AGBL4: variants seen among roughly 807,000 people sequenced by gnomAD.
AGBL4 encodes the protein AGBL carboxypeptidase 4, also known as cytosolic carboxypeptidase 6.
A neutral mutation model predicts 66.4 loss-of-function variants in AGBL4; 58 were observed. The ratio of observed to expected loss-of-function variants is 0.87; its 90% CI spans 0.71 to 1.09. The LOEUF (loss-of-function observed/expected upper bound fraction) is 1.09, where lower values mean the gene tolerates loss of function less well. AGBL4 is among the 50% of genes least tolerant of loss of function. AGBL4 has a pLI of 0.00. For synonymous variants in AGBL4, 234 were observed against 222.9 expected (o/e 1.05, Z -0.44); for missense variants, 579 against 631.0 (o/e 0.92, Z 0.88).
chr1:48,764,493 GA>G (rs1644434441), intron 6 of AGBL4, among the ~76,000 whole-genome samples: 1 of 152,156 alleles, frequency 6.6e-6, no homozygotes, highest in Non-Finnish European at 1.5e-5. Context: ...GGAAGGGGGG[GA>G]AATATTTGGA....
At chr1:49,334,821 T>C (rs547365830) in intron 3 of AGBL4, among the ~76,000 whole-genome samples, 1 of 152,002 alleles carries the variant, frequency 6.6e-6, no homozygotes, top group Admixed American at 6.6e-5. Flanking sequence ...CAAAGAGGGG[T>C]CCAGGGGAAG....
intron 4 of AGBL4, among the ~76,000 whole-genome samples, chr1:49,071,666 A>G (rs1163743303): frequency 6.6e-6 from 1 of 151,924 alleles, no homozygotes; most frequent in Non-Finnish European, 1.5e-5. Flanking sequence ...GCTTCCAATC[A>G]TGTGGTCAAT....
intron 3 of AGBL4, among the ~76,000 whole-genome samples, chr1:49,279,071 G>A (rs1276150981): frequency 6.6e-6 from 1 of 152,158 alleles, no homozygotes; most frequent in Admixed American, 6.6e-5. Context: ...AGAATATATT[G>A]TGGATTGCAA....
chr1:49,905,028 T>G (rs1034536852), intron 1 of AGBL4, among the ~76,000 whole-genome samples: 6 of 152,188 alleles, frequency 3.9e-5, no homozygotes, highest in African/African-American at 1.4e-4. Context: ...CAAAGCAAAT[T>G]TATCAGAATT....
At chr1:49,276,326 T>G (rs1644167499) in intron 3 of AGBL4, among the ~76,000 whole-genome samples, 1 of 152,134 alleles carries the variant, frequency 6.6e-6, no homozygotes, top group Non-Finnish European at 1.5e-5. Context: ...TACCTAACAA[T>G]CTCTAAACCA....
chr1:49,713,204 C>T (rs1436863246), intron 2 of AGBL4, among the ~76,000 whole-genome samples: 1 of 151,970 alleles, frequency 6.6e-6, no homozygotes, highest in Admixed American at 6.6e-5. Flanking sequence ...TTATTCATTC[C>T]TAACATGTTT....
intron 2 of AGBL4, among the ~76,000 whole-genome samples, chr1:49,720,634 C>A (rs1648526723): frequency 1.3e-5 from 2 of 152,144 alleles, no homozygotes; most frequent in South Asian, 4.1e-4. Flanking sequence ...GACACTCCAT[C>A]TCAGTGTTTC....
At chr1:50,019,830 T>A (rs961976765) in intron 1 of AGBL4, among the ~76,000 whole-genome samples, 6 of 152,140 alleles carry the variant, frequency 3.9e-5, no homozygotes, top group Non-Finnish European at 8.8e-5. Context: ...ATGAGACTAA[T>A]ACTCCTACAT....
intron 4 of AGBL4, among the ~76,000 whole-genome samples, chr1:49,122,564 A>C (rs1244962297): frequency 1.3e-5 from 2 of 152,164 alleles, no homozygotes; most frequent in Non-Finnish European, 2.9e-5. Flanking sequence ...ATACTAATCA[A>C]TTTATCAAAT....
At chr1:49,252,763 T>C (rs1329286593) in intron 3 of AGBL4, among the ~76,000 whole-genome samples, 2 of 152,100 alleles carry the variant, frequency 1.3e-5, no homozygotes, top group Admixed American at 6.5e-5. Flanking sequence ...TTCAACATTA[T>C]TAAATAAAAG....
chr1:48,790,268 G>A (rs1463129132), intron 6 of AGBL4, among the ~76,000 whole-genome samples: 3 of 152,076 alleles, frequency 2.0e-5, no homozygotes, highest in African/African-American at 7.2e-5. Flanking sequence ...AGGAAGGGTC[G>A]GTCATGCCAG....
chr1:49,203,276 A>T (rs1032044381), intron 4 of AGBL4, among the ~76,000 whole-genome samples: 1 of 152,114 alleles, frequency 6.6e-6, no homozygotes, highest in East Asian at 1.9e-4. Flanking sequence ...CTGGATCTAT[A>T]CCCGAAATAA....
intron 1 of AGBL4, among the ~76,000 whole-genome samples, chr1:49,950,903 T>C (rs1032221346): frequency 6.6e-6 from 1 of 151,842 alleles, no homozygotes; most frequent in Non-Finnish European, 1.5e-5. Context: ...TATTTACCCT[T>C]TAAAAAGAAG....
intron 1 of AGBL4, among the ~76,000 whole-genome samples, chr1:49,964,614 AAC>A (rs1033167104): frequency 3.3e-5 from 5 of 152,220 alleles, no homozygotes; most frequent in South Asian, 4.1e-4. Context: ...TCATTTATTA[AAC>A]AGTTATTACA....
chr1:49,641,081 A>C (rs1645772481), intron 3 of AGBL4, among the ~76,000 whole-genome samples: 1 of 152,114 alleles, frequency 6.6e-6, no homozygotes, highest in Admixed American at 6.6e-5. Context: ...TAAAAGTTGG[A>C]AAAAATGACA....
intron 4 of AGBL4, among the ~76,000 whole-genome samples, chr1:49,197,558 C>T (rs138781096): frequency 2.3e-3 from 345 of 152,222 alleles, no homozygotes; most frequent in African/African-American, 7.6e-3. Flanking sequence ...CCGGCCTGGG[C>T]GGGAACAGGT....
At chr1:49,274,312 T>G (rs1266560420) in intron 3 of AGBL4, among the ~76,000 whole-genome samples, 1 of 152,118 alleles carries the variant, frequency 6.6e-6, no homozygotes, top group East Asian at 1.9e-4. Context: ...GAGAGATATA[T>G]TGGAATTATA....
chr1:49,651,295 G>A (rs947489688), intron 3 of AGBL4, among the ~76,000 whole-genome samples: 1 of 152,056 alleles, frequency 6.6e-6, no homozygotes, highest in African/African-American at 2.4e-5. Flanking sequence ...CAAGACCTCA[G>A]CACATCCCAA....
intron 6 of AGBL4, among the ~76,000 whole-genome samples, chr1:48,832,567 T>G (rs1646579052): frequency 6.6e-6 from 1 of 152,192 alleles, no homozygotes; most frequent in Non-Finnish European, 1.5e-5. Flanking sequence ...GGACCTCAAA[T>G]TATTGCAAAT....
Sources: gnomAD v4.1 joint callset for allele counts (sites outside exome capture counted in the v4.1 genomes callset) on GRCh38, gnomAD v4.1.1 for gene constraint, MANE v1.5 for transcripts, NCBI Gene and HGNC (gene_info 2026-07-23, HGNC 2026-07-21) for gene names.